TNFRSF8: variants seen among roughly 807,000 people sequenced by gnomAD.
TNFRSF8 encodes the protein TNF receptor superfamily member 8, also known as tumor necrosis factor receptor superfamily member 8.
Under a neutral mutation model 70.8 loss-of-function variants are expected in TNFRSF8, and 26 were observed. That is an observed-to-expected ratio of 0.37 (90% CI 0.27 to 0.51). The LOEUF is 0.51. Among genes scored for constraint, TNFRSF8 ranks in the 20% least tolerant of loss-of-function variants. TNFRSF8 has a pLI of 0.94. For synonymous variants in TNFRSF8, 356 were observed against 339.2 expected (o/e 1.05, Z -0.54); for missense variants, 720 against 807.9 (o/e 0.89, Z 1.32).
intron 4 of TNFRSF8, 110 bp downstream of exon 4, chr1:12,104,641 T>A: frequency 1.5e-6 from 2 of 1,342,570 alleles, no homozygotes; most frequent in Non-Finnish European, 2.1e-6. Context: ...CCGGAGACTG[T>A]TGGACAGATC....
intron 8 of TNFRSF8, among the ~76,000 whole-genome samples, chr1:12,120,121 A>ATAAAAACATTTTCAGG (rs1285123728): frequency 2.0e-5 from 3 of 152,190 alleles, no homozygotes; most frequent in African/African-American, 7.2e-5. Context: ...ACATTTTCAG[A>ATAAAAACATTTTCAGG]CATAAAAGGT....
intron 8 of TNFRSF8, among the ~76,000 whole-genome samples, chr1:12,122,529 C>T (rs1363045288): frequency 6.6e-6 from 1 of 151,702 alleles, no homozygotes; most frequent in Admixed American, 6.6e-5. Flanking sequence ...CACCTGTAAT[C>T]CCAGCTACTC....
intron 8 of TNFRSF8, among the ~76,000 whole-genome samples, chr1:12,120,748 C>G (rs501525): frequency 6.6e-6 from 1 of 151,952 alleles, no homozygotes; most frequent in Non-Finnish European, 1.5e-5. Context: ...ACAGGCAGAC[C>G]AACTAGGGGC....
chr1:12,076,228 G>C (rs1640965435), intron 1 of TNFRSF8, among the ~76,000 whole-genome samples: 1 of 151,336 alleles, frequency 6.6e-6, no homozygotes. Flanking sequence ...AGCCTCCCGA[G>C]TAGCTGGAAT....
intron 1 of TNFRSF8, among the ~76,000 whole-genome samples, chr1:12,076,103 CTTTT>C (rs146740361): frequency 1.0e-5 from 1 of 96,396 alleles, no homozygotes; most frequent in South Asian, 2.7e-4. Context: ...TTTTCTTTTT[CTTTT>C]TTTTTTTTTT....
chr1:12,066,447 A>T (rs1640742873), intron 1 of TNFRSF8, among the ~76,000 whole-genome samples: 1 of 147,608 alleles, frequency 6.8e-6, no homozygotes, highest in African/African-American at 2.5e-5. Flanking sequence ...ACCCTCTCCC[A>T]GGTTCAAGTG....
In TNFRSF8 at chr1:12,103,836, G is replaced by A. The variant is rs375527504; in HGVS notation, c.269-543G>A. On this transcript the variant is annotated intron_variant, in intron 3 of 14. Coordinates refer to ENST00000263932, the MANE Select transcript of TNFRSF8 (RefSeq NM_001243.5). Reference sequence around the variant, plus strand: ...TTGCATTAGTGTGGCACAATTGTTAGCATTGATGACCTGATAATGATGCAT... The same window carrying A: ...TTGCATTAGTGTGGCACAATTGTTAACATTGATGACCTGATAATGATGCAT... Among the ~76,000 whole-genome samples, 3 of 152,280 alleles carry A rather than the reference G, an allele frequency of 2.0e-5. No homozygotes were observed. The South Asian group carries it at 6.2e-4, about 32-fold the overall frequency.
At chr1:12,083,172 G>A (rs1326000073) in intron 1 of TNFRSF8, among the ~76,000 whole-genome samples, 1 of 152,202 alleles carries the variant, frequency 6.6e-6, no homozygotes, top group African/African-American at 2.4e-5. Context: ...GTGCTGACAA[G>A]GATGTGGAGC....
Position 12,138,014 on chromosome 1 carries a change from G to A in TNFRSF8, c.1336-215G>A, listed in dbSNP as rs1016096367. ...AACGGACGTGGCGAGCACCCTGTGA[G>A]TCGCTGACTGTTACCCCTACTATTT... On this transcript the variant is annotated intron_variant, in intron 13 of 14. Transcript: ENST00000263932. The surrounding 1 kb of genome is among the most constrained non-coding windows in gnomAD (Gnocchi z 5.7). Among the ~76,000 whole-genome samples, 2 of 152,286 alleles carry A rather than the reference G, an allele frequency of 1.3e-5. No homozygotes were observed. Among genetic ancestry groups the A allele is most frequent in the African/African-American group, 4.8e-5 (2 of 41,562 alleles).
rs571888355 is a variant in TNFRSF8, at chr1:12,110,429, C to T, written c.676+225C>T. On this transcript the variant is annotated intron_variant, in intron 6 of 14. Transcript: ENST00000263932. The surrounding 1 kb of genome is among the most constrained non-coding windows in gnomAD (Gnocchi z 4.0). ...GCAGTGCAGAGGGCCTGCCTTGTGC[C>T]GGACACCCGTGCCCCATCTCTCCCT... 2.6e-5 allele frequency among the ~76,000 whole-genome samples: 4 copies of T among 152,174 alleles called. No individual in the cohort carries two copies. Among genetic ancestry groups the T allele is most frequent in the African/African-American group, 7.2e-5 (3 of 41,518 alleles).
intron 3 of TNFRSF8, among the ~76,000 whole-genome samples, chr1:12,101,935 A>G (rs1641430997): frequency 1.3e-5 from 2 of 152,148 alleles, no homozygotes; most frequent in African/African-American, 4.8e-5. Flanking sequence ...TCGGCCTCCC[A>G]AAGTGCTGGG....
chr1:12,114,731 CAG>C (rs1641697949), intron 7 of TNFRSF8, among the ~76,000 whole-genome samples: 1 of 83,764 alleles, frequency 1.2e-5, no homozygotes, highest in African/African-American at 4.6e-5. Flanking sequence ...TTTAAATAGA[CAG>C]AGTCTTGTTC....
Position 12,069,106 on chromosome 1 carries a change from C to T in TNFRSF8, c.63+5445C>T, listed in dbSNP as rs1381950762. 4.1e-5 allele frequency among the ~76,000 whole-genome samples: 6 copies of T among 147,800 alleles called. No individual in the cohort carries two copies. In the East Asian group the frequency reaches 1.0e-3, roughly 25 times the overall value. On this transcript the variant is annotated intron_variant, in intron 1 of 14. Transcript: ENST00000263932. ...CAGGCTAGTCTCTAACTCCTGACCT[C>T]GTGATCCACCCGCCTCGGCCTTTCA...
At chr1:12,080,284 A>C (rs764141948) in intron 1 of TNFRSF8, 15 of 523,180 alleles carry the variant, frequency 2.9e-5, no homozygotes, top group Non-Finnish European at 5.3e-5. Flanking sequence ...CATCCAAAGC[A>C]TTGTAATCAG....
At chr1:12,070,024 G>A (rs1392829052) in intron 1 of TNFRSF8, among the ~76,000 whole-genome samples, 1 of 152,150 alleles carries the variant, frequency 6.6e-6, no homozygotes. Flanking sequence ...GAGTGGAGAG[G>A]GGTGGTTAGG....
intron 1 of TNFRSF8, among the ~76,000 whole-genome samples, chr1:12,075,140 A>G (rs1640915888): frequency 6.6e-6 from 1 of 151,956 alleles, no homozygotes; most frequent in African/African-American, 2.4e-5. Flanking sequence ...GCTACTCGGG[A>G]GGCTGAGGCA....
In TNFRSF8 at chr1:12,112,531, A is replaced by G. The variant is rs890964732; in HGVS notation, c.793+517A>G. On this transcript the variant is annotated intron_variant, in intron 7 of 14. Transcript: ENST00000263932. This position sits in a 1 kb window ranked among gnomAD's most constrained non-coding sequence, Gnocchi z 5.3. ...CAGCCTTTCAAGTGGCTGGGACTAT[A>G]GGTGCACACTACCATGCCTGGCTAA... 6.6e-6 allele frequency among the ~76,000 whole-genome samples: 1 copy of G among 151,966 alleles called. No individual in the cohort carries two copies. The highest frequency in any genetic ancestry group is 2.4e-5 in the African/African-American group (1 of 41,350).
At chr1:12,077,546 A>C (rs11569805) in intron 1 of TNFRSF8, among the ~76,000 whole-genome samples, 43,163 of 152,104 alleles carry the variant, frequency 0.28, 6,617 homozygotes, top group South Asian at 0.4. Flanking sequence ...CAAGGAACTG[A>C]ATTCTGCCAA....
intron 3 of TNFRSF8, 125 bp downstream of exon 3, chr1:12,097,342 C>A: frequency 1.5e-6 from 1 of 658,798 alleles, no homozygotes; most frequent in Non-Finnish European, 2.7e-6. Flanking sequence ...AATTGTCCTC[C>A]TGGTGCCTCA....
Sources: allele counts gnomAD v4.1 joint callset (sites outside exome capture counted in the v4.1 genomes callset), GRCh38; gene constraint gnomAD v4.1.1; non-coding constraint Gnocchi (gnomAD v3.1); transcripts MANE v1.5; gene names NCBI Gene and HGNC (gene_info 2026-07-23, HGNC 2026-07-21).